PRKN: variants seen among roughly 807,000 people sequenced by gnomAD.
The protein encoded by PRKN is E3 ubiquitin-protein ligase parkin.
In PRKN, 56 loss-of-function variants were observed where a neutral mutation model predicts 59.5. That is an observed-to-expected ratio of 0.94 (90% CI 0.76 to 1.18). The LOEUF is 1.18. Among genes scored for constraint, PRKN ranks in the 50% most tolerant of loss-of-function variants. The pLI is 0.00. For missense variants in PRKN, 657 were observed against 596.4 expected, an observed-to-expected ratio of 1.10 and a Z score of -1.06; for synonymous variants, 250 against 222.1, an observed-to-expected ratio of 1.13 and a Z score of -1.12.
chr6:162,519,504 T>C (rs1405086401), intron 1 of PRKN, among the ~76,000 whole-genome samples: 1 of 152,160 alleles, frequency 6.6e-6, no homozygotes, highest in Non-Finnish European at 1.5e-5. Context: ...AGGTGATGCT[T>C]AGATGAAGTG....
At chr6:162,482,933 T>A (rs556588837) in intron 1 of PRKN, among the ~76,000 whole-genome samples, 1 of 107,192 alleles carries the variant, frequency 9.3e-6, no homozygotes, top group Non-Finnish European at 1.9e-5. Flanking sequence ...ACTGATTCCA[T>A]TGTTGGACAG....
chr6:162,185,046 A>G (rs1433181322), intron 4 of PRKN, among the ~76,000 whole-genome samples: 2 of 152,088 alleles, frequency 1.3e-5, no homozygotes, highest in Non-Finnish European at 2.9e-5. Flanking sequence ...ATAAAGACAA[A>G]AGTGGCATCG....
rs552260680 is a variant in PRKN, at chr6:161,463,333, A to G, written c.1084-76456T>C. Among the ~76,000 whole-genome samples the G allele has an allele frequency of 6.6e-6, 1 of 152,170 alleles. No individual in the cohort carries two copies. Among genetic ancestry groups the G allele is most frequent in the Non-Finnish European group, 1.5e-5 (1 of 68,028 alleles). The stretch of plus-strand genomic sequence containing the variant: ...TTCAGAATGACGACTGTTTGGTTCT[A>G]CCTGGCTTATCCTTACTGATCCTGC... On this transcript the variant is annotated intron_variant, in intron 9 of 11. Transcript: ENST00000366898. The surrounding 1 kb of genome is among the most constrained non-coding windows in gnomAD (Gnocchi z 4.8).
At chr6:162,324,761 T>C (rs908732241) in intron 2 of PRKN, among the ~76,000 whole-genome samples, 1 of 152,146 alleles carries the variant, frequency 6.6e-6, no homozygotes, top group African/African-American at 2.4e-5. Context: ...TGTACGTATC[T>C]ATGTGTAAGT....
chr6:161,361,591 T>C lies in PRKN; in HGVS notation c.1168-1386A>G, dbSNP rs570767758. 2.0e-5 allele frequency among the ~76,000 whole-genome samples: 3 copies of C among 152,290 alleles called. No individual in the cohort carries two copies. In the South Asian group the frequency reaches 6.2e-4, roughly 32 times the overall value. The stretch of plus-strand genomic sequence containing the variant: ...GACCCCGTGAAATGGGCAGGGCACA[T>C]GGGTGGTATCCCTGACAGTGGTGGG... On this transcript the variant is annotated intron_variant, in intron 10 of 11. Transcript: ENST00000366898. This position sits in a 1 kb window ranked among gnomAD's most constrained non-coding sequence, Gnocchi z 5.2.
chr6:161,577,855 T>A (rs1781191697), intron 7 of PRKN, among the ~76,000 whole-genome samples: 1 of 152,192 alleles, frequency 6.6e-6, no homozygotes, highest in Non-Finnish European at 1.5e-5. Flanking sequence ...CAGGGAAGAA[T>A]CAGTCTCATT....
At chr6:162,430,245 T>A (rs778577164) in intron 2 of PRKN, among the ~76,000 whole-genome samples, 9 of 152,120 alleles carry the variant, frequency 5.9e-5, no homozygotes, top group Admixed American at 2.6e-4. Context: ...TACAAGGCAC[T>A]CTTGTAAGTA....
rs1789479660 is a variant in PRKN at position 161,446,113 on chromosome 6, G to A, written c.1084-59236C>T. On this transcript the variant is annotated intron_variant, in intron 9 of 11. Transcript: ENST00000366898. This position sits in a 1 kb window ranked among gnomAD's most constrained non-coding sequence, Gnocchi z 6.2. ...CAGGTATCTGGAGCATGGGGTGGTG[G>A]TGGGGTGGTGGGAGGATCATCTGAG... is the stretch of plus-strand genomic sequence containing the variant. Among the ~76,000 whole-genome samples the A allele has an allele frequency of 6.6e-6, 1 of 151,524 alleles. No homozygotes were observed. Among genetic ancestry groups the A allele is most frequent in the African/African-American group, 2.4e-5 (1 of 41,250 alleles).
At chr6:162,309,595 C>T (rs1782387921) in intron 2 of PRKN, among the ~76,000 whole-genome samples, 1 of 152,160 alleles carries the variant, frequency 6.6e-6, no homozygotes, top group Non-Finnish European at 1.5e-5. Flanking sequence ...CGATTGTGCA[C>T]TGCAGATCAG....
chr6:161,349,784 G>T lies in PRKN; in HGVS notation c.*315C>A. ...TGGATTGCACTTGAATCTGTGCTCT[G>T]GTATTTGTGTCATCCGGAGGCTGAG... On this transcript the variant is annotated 3_prime_UTR_variant, in exon 12 of 12. Coordinates refer to ENST00000366898, the MANE Select transcript of PRKN (RefSeq NM_004562.3). The surrounding 1 kb of genome is among the most constrained non-coding windows in gnomAD (Gnocchi z 5.5). The T allele has an allele frequency of 2.1e-6, 1 of 486,126 alleles. No homozygotes were observed. The highest frequency in any genetic ancestry group is 2.1e-5 in the South Asian group (1 of 47,630). 30.1% of individuals were successfully genotyped at this position (486,126 alleles called of 1,614,324 possible).
At chr6:161,791,997 G>A (rs1790657760) in intron 6 of PRKN, among the ~76,000 whole-genome samples, 1 of 152,194 alleles carries the variant, frequency 6.6e-6, no homozygotes, top group African/African-American at 2.4e-5. Flanking sequence ...ATGTTGGGAG[G>A]ACACTCAAGC....
intron 2 of PRKN, among the ~76,000 whole-genome samples, chr6:162,383,890 G>A (rs1034714708): frequency 6.6e-6 from 1 of 152,212 alleles, no homozygotes; most frequent in African/African-American, 2.4e-5. Context: ...TCTATGCAGT[G>A]GAGATGGCTT....
chr6:162,386,265 A>C (rs1440537078), intron 2 of PRKN, among the ~76,000 whole-genome samples: 1 of 152,212 alleles, frequency 6.6e-6, no homozygotes, highest in Non-Finnish European at 1.5e-5. Flanking sequence ...TGCTAAATTT[A>C]ACCGTGCCAC....
At chr6:161,606,959 G>C (rs1418323737) in intron 7 of PRKN, among the ~76,000 whole-genome samples, 4 of 152,300 alleles carry the variant, frequency 2.6e-5, no homozygotes, top group Non-Finnish European at 5.9e-5. Context: ...ACAGCATGGG[G>C]GGGAGATGAG....
chr6:162,625,675 ATGTG>A (rs1237110235), intron 1 of PRKN, among the ~76,000 whole-genome samples: 36 of 151,946 alleles, frequency 2.4e-4, no homozygotes, highest in East Asian at 3.9e-4. Flanking sequence ...GTATTTATGT[ATGTG>A]TGTGTATCAT....
At chr6:162,548,752 A>C (rs1244462018) in intron 1 of PRKN, among the ~76,000 whole-genome samples, 2 of 152,182 alleles carry the variant, frequency 1.3e-5, no homozygotes, top group East Asian at 3.9e-4. Context: ...TAATAATGAC[A>C]CAAAATTTCA....
At chr6:162,611,791 G>A (rs1461714897) in intron 1 of PRKN, among the ~76,000 whole-genome samples, 1 of 152,152 alleles carries the variant, frequency 6.6e-6, no homozygotes, top group East Asian at 1.9e-4. Flanking sequence ...GTAAATGTTT[G>A]TTGTACAAGT....
At chr6:161,996,533 T>C (rs1781850699) in intron 5 of PRKN, among the ~76,000 whole-genome samples, 1 of 152,142 alleles carries the variant, frequency 6.6e-6, no homozygotes, top group African/African-American at 2.4e-5. Context: ...CTGAAATTAA[T>C]TTGCGTCTTT....
intron 2 of PRKN, among the ~76,000 whole-genome samples, chr6:162,284,276 G>A (rs1781077048): frequency 7.3e-6 from 1 of 136,322 alleles, no homozygotes; most frequent in Non-Finnish European, 1.5e-5. Flanking sequence ...CCAGGCTGGA[G>A]TGCAATGGCG....
Sources: allele counts gnomAD v4.1 joint callset (sites outside exome capture counted in the v4.1 genomes callset), GRCh38; gene constraint gnomAD v4.1.1; non-coding constraint Gnocchi (gnomAD v3.1); transcripts MANE v1.5; gene names NCBI Gene and HGNC (gene_info 2026-07-23, HGNC 2026-07-21).